The following PTPRN2 variants were observed in gnomAD, a reference collection of about 807,000 sequenced individuals.
PTPRN2 encodes the protein protein tyrosine phosphatase receptor type N2, also known as receptor-type tyrosine-protein phosphatase N2.
In PTPRN2, 74 loss-of-function variants were observed where a neutral mutation model predicts 118.8. The ratio of observed to expected loss-of-function variants is 0.62; its 90% CI spans 0.52 to 0.76. The LOEUF (loss-of-function observed/expected upper bound fraction) is 0.76. PTPRN2 is among the 30% of genes least tolerant of loss of function. PTPRN2 has a pLI of 0.00. For synonymous variants in PTPRN2, 641 were observed against 608.0 expected, an observed-to-expected ratio of 1.05 and a Z score of -0.80; for missense variants, 1,481 against 1,394.4, an observed-to-expected ratio of 1.06 and a Z score of -0.99.
At chr7:157,930,147 C>T (rs972897644) in intron 11 of PTPRN2, among the ~76,000 whole-genome samples, 7 of 152,270 alleles carry the variant, frequency 4.6e-5, no homozygotes, top group South Asian at 2.1e-4. Context: ...AGAGATAGCA[C>T]GAGGCCCACA....
chr7:158,303,850 T>G (rs1165833876), intron 3 of PTPRN2, among the ~76,000 whole-genome samples: 1 of 152,244 alleles, frequency 6.6e-6, no homozygotes, highest in Non-Finnish European at 1.5e-5. Context: ...CTGCTCCTGT[T>G]GATGAAGAGG....
chr7:157,866,630 C>A (rs1326731756), intron 12 of PTPRN2, among the ~76,000 whole-genome samples: 1 of 152,070 alleles, frequency 6.6e-6, no homozygotes, highest in Non-Finnish European at 1.5e-5. Context: ...AGGCACCCAG[C>A]ATGAGTGCCC....
intron 11 of PTPRN2, among the ~76,000 whole-genome samples, chr7:158,062,748 C>T (rs780244491): frequency 6.6e-6 from 1 of 152,228 alleles, no homozygotes; most frequent in Non-Finnish European, 1.5e-5. Flanking sequence ...CCGGTTCCCC[C>T]AGCAGTGCCA....
intron 3 of PTPRN2, among the ~76,000 whole-genome samples, chr7:158,262,868 A>T (rs1387572700): frequency 6.8e-6 from 1 of 146,710 alleles, no homozygotes; most frequent in East Asian, 2.1e-4. Context: ...ACACACATTC[A>T]CACACTGCAC....
chr7:158,118,120 T>C (rs1443491252), intron 9 of PTPRN2, among the ~76,000 whole-genome samples: 1 of 152,246 alleles, frequency 6.6e-6, no homozygotes, highest in Non-Finnish European at 1.5e-5. Context: ...TAGTTAAAAC[T>C]AGTATTATAA....
intron 11 of PTPRN2, among the ~76,000 whole-genome samples, chr7:157,991,744 G>A (rs1166244259): frequency 6.6e-6 from 1 of 152,156 alleles, no homozygotes; most frequent in Non-Finnish European, 1.5e-5. Context: ...CCAAGGCTGG[G>A]GACCCAGGAC....
Position 158,490,315 on chromosome 7 carries a change from G to C in PTPRN2, c.113-530C>G, listed in dbSNP as rs547690536. ...GCAGGAGAGGGTCGGGAGAGGAAAG[G>C]AGGCAGCGGAGGCAGCAGAGACGAA... On this transcript the variant is annotated intron_variant, in intron 1 of 22. Transcript: ENST00000389418. 1.2e-4 allele frequency among the ~76,000 whole-genome samples: 19 copies of C among 152,360 alleles called. No individual in the cohort carries two copies. The South Asian group carries it at 3.5e-3, about 28-fold the overall frequency.
rs1452046165 is a variant in PTPRN2, at chr7:158,167,409, T to C, written c.550-118A>G. 3.0e-6 allele frequency: 4 copies of C among 1,312,730 alleles called. No homozygotes were observed. In the East Asian group the frequency reaches 7.2e-5, roughly 24 times the overall value. The allele number at this position is 1,312,730 out of a possible 1,614,324, so 81.3% of individuals were successfully genotyped here. A position where few individuals can be genotyped will look rare whatever the true frequency, so the allele number is the denominator to read the frequency against. The stretch of plus-strand genomic sequence containing the variant: ...CTAAACAGCCCTGGGGGTACAAAGA[T>C]GCCCTTCGGTCTCAGGTTCAAGGTC... On this transcript the variant is annotated intron_variant, in intron 5 of 22. Coordinates refer to ENST00000389418, the MANE Select transcript of PTPRN2 (RefSeq NM_002847.5).
intron 3 of PTPRN2, among the ~76,000 whole-genome samples, chr7:158,258,073 G>A (rs1234761285): frequency 1.3e-5 from 2 of 152,212 alleles, no homozygotes; most frequent in Admixed American, 1.3e-4. Context: ...AGATAACTGG[G>A]CGGGAGCCTG....
chr7:158,341,285 A>T, intron 2 of PTPRN2, among the ~76,000 whole-genome samples: 1 of 151,614 alleles, frequency 6.6e-6, no homozygotes, highest in South Asian at 2.1e-4. Flanking sequence ...CTCTCACCAT[A>T]AGAGCCGACG....
In PTPRN2 at chr7:158,340,530, A is replaced by G. The variant is rs1806509045; in HGVS notation, c.164-23598T>C. Among the ~76,000 whole-genome samples the G allele has an allele frequency of 5.5e-5, 7 of 126,936 alleles. No individual in the cohort carries two copies. In the Admixed American group the frequency reaches 5.6e-4, roughly 10 times the overall value. 83.3% of individuals were successfully genotyped at this position (126,936 alleles called of 152,430 possible). A position where few individuals can be genotyped will look rare whatever the true frequency, so the allele number is the denominator to read the frequency against. ...TCACTCACACCCACATTCTCACCATAAGAGCTGTCGCCCGCAGAGGTCACT... is the reference window on the plus strand; with the variant it reads ...TCACTCACACCCACATTCTCACCATGAGAGCTGTCGCCCGCAGAGGTCACT... On this transcript the variant is annotated intron_variant, in intron 2 of 22. Transcript: ENST00000389418.
rs1015200678 is a variant in PTPRN2 at position 157,671,775 on chromosome 7, C to T, written c.2001+10950G>A. Among the ~76,000 whole-genome samples, 5 of 152,128 alleles carry T rather than the reference C, an allele frequency of 3.3e-5. No individual in the cohort carries two copies. Among genetic ancestry groups the T allele is most frequent in the Non-Finnish European group, 7.4e-5 (5 of 68,024 alleles). ...AAAACTGATCTGAGTGACACCTGAA[C>T]TGCACAAGGCCTGAAGGACGCCCTG... On this transcript the variant is annotated intron_variant, in intron 13 of 22. Transcript: ENST00000389418. The surrounding 1 kb of genome is among the most constrained non-coding windows in gnomAD (Gnocchi z 4.1).
intron 6 of PTPRN2, among the ~76,000 whole-genome samples, chr7:158,148,992 A>G (rs62480230): frequency 0.8 from 15,496 of 19,424 alleles, 5,957 homozygotes; most frequent in Middle Eastern, 0.91. Flanking sequence ...CACGCCACAC[A>G]TCTTTCCCCC....
intron 2 of PTPRN2, among the ~76,000 whole-genome samples, chr7:158,341,831 CACTCACACCCACACTCTCACCATAA>C (rs1806885638): frequency 9.2e-6 from 1 of 109,036 alleles, no homozygotes; most frequent in African/African-American, 4.1e-5. Flanking sequence ...CAGCAGACGT[CACTCACACCCACACTCTCACCATAA>C]GAGTGTGCCC....
At chr7:158,273,281 T>G (rs1011342348) in intron 3 of PTPRN2, among the ~76,000 whole-genome samples, 21 of 152,246 alleles carry the variant, frequency 1.4e-4, no homozygotes, top group Non-Finnish European at 2.8e-4. Flanking sequence ...TTATGGCCAG[T>G]GAGCACCCAC....
intron 3 of PTPRN2, among the ~76,000 whole-genome samples, chr7:158,297,377 AG>A (rs1800576209): frequency 6.6e-6 from 1 of 152,218 alleles, no homozygotes; most frequent in Non-Finnish European, 1.5e-5. Context: ...TGGGAAGGGA[AG>A]ACGCCCCTGG....
chr7:158,507,559 C>T (rs900835856), intron 1 of PTPRN2, among the ~76,000 whole-genome samples: 2 of 148,492 alleles, frequency 1.3e-5, no homozygotes, highest in Non-Finnish European at 1.5e-5. Context: ...ATCCAGGGGA[C>T]AGCCCCGTGC....
rs777533547 is a variant in PTPRN2 at position 158,481,648 on chromosome 7, G to A, written c.163+8087C>T. On this transcript the variant is annotated intron_variant, in intron 2 of 22. Coordinates refer to ENST00000389418, the MANE Select transcript of PTPRN2 (RefSeq NM_002847.5). ...CCGGCTAATTTTTGTATTTTTAGTA[G>A]AGACAGGGTTTCACCATCTTGGCCA... Among the ~76,000 whole-genome samples the A allele has an allele frequency of 7.2e-5, 11 of 152,164 alleles. No individual in the cohort carries two copies. In the South Asian group the frequency reaches 8.3e-4, roughly 11 times the overall value.
rs1228829613 is a variant in PTPRN2 at position 157,974,194 on chromosome 7, C to T, written c.1724-75457G>A. Among the ~76,000 whole-genome samples the T allele has an allele frequency of 6.6e-6, 1 of 152,214 alleles. No homozygotes were observed. Among genetic ancestry groups the T allele is most frequent in the African/African-American group, 2.4e-5 (1 of 41,444 alleles). ...CGATGATCATTGTGGAAAGAATGGA[C>T]AGCACCCTGGTTGATGTGCAGAGTG... On this transcript the variant is annotated intron_variant, in intron 11 of 22. Transcript: ENST00000389418. This position sits in a 1 kb window ranked among gnomAD's most constrained non-coding sequence, Gnocchi z 4.0.
Sources: allele counts gnomAD v4.1 joint callset (sites outside exome capture counted in the v4.1 genomes callset), GRCh38; gene constraint gnomAD v4.1.1; non-coding constraint Gnocchi (gnomAD v3.1); transcripts MANE v1.5; gene names NCBI Gene and HGNC (gene_info 2026-07-23, HGNC 2026-07-21).